Variants in AGPAT2 observed in about 807,000 individuals in gnomAD.
The protein encoded by AGPAT2 is 1-acyl-sn-glycerol-3-phosphate acyltransferase beta.
AGPAT2 carries 18 observed loss-of-function variants against 26.1 expected under a neutral mutation model. The observed-to-expected ratio is 0.69, with a 90% CI of 0.48 to 1.02. The LOEUF is 1.02. AGPAT2 is among the 50% of genes least tolerant of loss of function. The probability of loss-of-function intolerance (pLI) is 0.00; values close to 1 mark genes in which losing one functional copy is unlikely to be tolerated. For missense variants in AGPAT2, 415 were observed against 394.9 expected (o/e 1.05, Z -0.43); for synonymous variants, 200 against 174.2 (o/e 1.15, Z -1.16).
intron 1 of AGPAT2, among the ~76,000 whole-genome samples, chr9:136,683,952 C>T (rs954434863): frequency 1.3e-5 from 2 of 152,194 alleles, no homozygotes; most frequent in African/African-American, 4.8e-5. Flanking sequence ...TGCGTTCTCC[C>T]CACACTGGGC....
chr9:136,680,730 C>T lies in AGPAT2; in HGVS notation c.183-3174G>A, dbSNP rs551791781. The stretch of plus-strand genomic sequence containing the variant: ...TGTCACCTAGGCTGGAGTGCAGTGG[C>T]GAGATCTCAGCTCACTGCCATTTCC... On this transcript the variant is annotated intron_variant, in intron 1 of 5. Coordinates refer to ENST00000371696, the MANE Select transcript of AGPAT2 (RefSeq NM_006412.4). Among the ~76,000 whole-genome samples the T allele has an allele frequency of 5.3e-5, 8 of 151,712 alleles. No individual in the cohort carries two copies. In the South Asian group the frequency reaches 6.3e-4, roughly 12 times the overall value.
chr9:136,687,131 C>A, intron 1 of AGPAT2, 45 bp downstream of exon 1: 1 of 1,545,868 alleles, frequency 6.5e-7, no homozygotes, highest in Non-Finnish European at 8.7e-7. Context: ...GAAGCGGAAG[C>A]GGCGCGGCGG....
intron 2 of AGPAT2, 62 bp downstream of exon 2, chr9:136,677,361 C>T (rs1846105657): frequency 1.2e-6 from 2 of 1,611,488 alleles, no homozygotes; most frequent in Admixed American, 3.3e-5. Flanking sequence ...CCCAGCCCCA[C>T]ACAGCCCCAG....
intron 1 of AGPAT2, 81 bp from the exon 2 acceptor site, chr9:136,677,637 TGGA>T: frequency 6.6e-7 from 1 of 1,522,380 alleles, no homozygotes; most frequent in East Asian, 2.4e-5. Context: ...GGGTGGGGTG[TGGA>T]GGAGGCTGGG....
intron 4 of AGPAT2, 24 bp from the exon 5 acceptor site, chr9:136,674,831 T>C: frequency 6.5e-7 from 1 of 1,532,406 alleles, no homozygotes; most frequent in Non-Finnish European, 8.8e-7. Flanking sequence ...GACGCACAGC[T>C]GAGGCAGCCC....
intron 4 of AGPAT2, among the ~76,000 whole-genome samples, 160 bp from the exon 5 acceptor site, chr9:136,674,967 T>C (rs1846071592): frequency 6.6e-6 from 1 of 152,176 alleles, no homozygotes; most frequent in South Asian, 2.1e-4. Context: ...ACCTGGGATA[T>C]GTGTCCTGCT....
Position 136,673,605 on chromosome 9 carries a change from G to A in AGPAT2, c.*147C>T. On this transcript the variant is annotated 3_prime_UTR_variant, in exon 6 of 6. Coordinates refer to ENST00000371696, the MANE Select transcript of AGPAT2 (RefSeq NM_006412.4). ...GGGCCTGTGTCTGAGGCCAGTGACA[G>A]AAGGGGCTTCCTGCTTCCCGGGCTG... 2 of 925,608 alleles carry A rather than the reference G, an allele frequency of 2.2e-6. No homozygotes were observed. Among genetic ancestry groups the A allele is most frequent in the South Asian group, 4.1e-5 (2 of 48,764 alleles). The allele number at this position is 925,608 out of a possible 1,614,324, so 57.3% of individuals were successfully genotyped here. A position where few individuals can be genotyped will look rare whatever the true frequency, so the allele number is the denominator to read the frequency against.
At chr9:136,685,745 C>T (rs893749241) in intron 1 of AGPAT2, among the ~76,000 whole-genome samples, 3 of 152,096 alleles carry the variant, frequency 2.0e-5, no homozygotes, top group Non-Finnish European at 2.9e-5. Context: ...GCCGCACCCT[C>T]GCCCCTACTC....
chr9:136,682,158 T>C (rs1453593968), intron 1 of AGPAT2, among the ~76,000 whole-genome samples: 1 of 152,160 alleles, frequency 6.6e-6, no homozygotes, highest in Non-Finnish European at 1.5e-5. Flanking sequence ...GGCAGAGTCG[T>C]GCTGGGGCGG....
chr9:136,677,746 C>G (rs573148458), intron 1 of AGPAT2, among the ~76,000 whole-genome samples, 190 bp from the exon 2 acceptor site: 3 of 152,196 alleles, frequency 2.0e-5, no homozygotes, highest in Non-Finnish European at 4.4e-5. Context: ...CCCACCTGGA[C>G]GGCTGCCCTG....
At position 136,673,689 on chromosome 9, in the gene AGPAT2, G is replaced by A; in HGVS notation, c.*63C>T. ...TTGGAAGCCGGGAGGAGTCCCCTCTGCCCATCCTCCAGCCATCGGCTTCCA... is the reference window on the plus strand; with the variant it reads ...TTGGAAGCCGGGAGGAGTCCCCTCTACCCATCCTCCAGCCATCGGCTTCCA... On this transcript the variant is annotated 3_prime_UTR_variant, in exon 6 of 6. Coordinates refer to ENST00000371696, the MANE Select transcript of AGPAT2 (RefSeq NM_006412.4). 1 of 1,473,924 alleles carries A rather than the reference G, an allele frequency of 6.8e-7. No homozygotes were observed. The highest frequency in any genetic ancestry group is 9.1e-7 in the Non-Finnish European group (1 of 1,098,918). The allele number at this position is 1,473,924 out of a possible 1,614,324, so 91.3% of individuals were successfully genotyped here.
At position 136,677,145 on chromosome 9, in the gene AGPAT2, CAG is replaced by C. The variant is rs753913831; in HGVS notation, c.317-11_317-10del. The C allele has an allele frequency of 8.1e-6, 13 of 1,612,450 alleles. No homozygotes were observed. The highest frequency in any genetic ancestry group is 1.6e-4 in the Middle Eastern group (1 of 6,080). On this transcript the variant is annotated splice_polypyrimidine_tract_variant and intron_variant, in intron 2 of 5. Coordinates refer to ENST00000371696, the MANE Select transcript of AGPAT2 (RefSeq NM_006412.4). ...AAGGACCTCCATGAGGCCTGGGAGA[CAG>C]AGAGACAGAGACAGAGAGAGAGGGG...
chr9:136,685,881 G>A (rs1489121115), intron 1 of AGPAT2, among the ~76,000 whole-genome samples: 1 of 152,212 alleles, frequency 6.6e-6, no homozygotes, highest in Non-Finnish European at 1.5e-5. Flanking sequence ...CAGCCCCCAG[G>A]AACTCCCTGT....
At chr9:136,684,852 C>T (rs1304163351) in intron 1 of AGPAT2, among the ~76,000 whole-genome samples, 3 of 152,180 alleles carry the variant, frequency 2.0e-5, no homozygotes, top group Non-Finnish European at 2.9e-5. Context: ...TGGAGGCACC[C>T]GTGGCGTACA....
rs1846236649 is a variant in AGPAT2, at chr9:136,687,332, G to A, written c.26C>T (p.Ala9Val). ...CAGCAGCAGCAGCAACAGCAGCGCC[G>A]CGGCCAGACACGGCCACAGCTCCAT... MELWPCLA[A>V]ALLLLLLLVQ... The change falls in exon 1 of 6, where the codon GCG becomes GTG. Residue 9 changes from alanine to valine, a missense_variant. Physicochemically the swap from Ala to Val is moderately conservative, Grantham distance 64 (BLOSUM62 0). Coordinates refer to ENST00000371696, the MANE Select transcript of AGPAT2 (RefSeq NM_006412.4). 6.4e-7 allele frequency: 1 copy of A among 1,559,498 alleles called. No homozygotes were observed. The highest frequency in any genetic ancestry group is 8.6e-7 in the Non-Finnish European group (1 of 1,160,314).
rs151070459 is a variant in AGPAT2, at chr9:136,680,908, G to A, written c.183-3352C>T. Among the ~76,000 whole-genome samples the A allele has an allele frequency of 0.037, 5,606 of 150,416 alleles. 685 individuals are homozygous for A. In the East Asian group the frequency reaches 0.48, roughly 13 times the overall value. On this transcript the variant is annotated intron_variant, in intron 1 of 5. Coordinates refer to ENST00000371696, the MANE Select transcript of AGPAT2 (RefSeq NM_006412.4). ...TCTCAAACTCCTGACCTCATGATCC[G>A]CCCGCCTCGGCCTCCCAAAGTGCTG...
chr9:136,677,332 T>G, intron 2 of AGPAT2, 91 bp downstream of exon 2: 2 of 1,595,250 alleles, frequency 1.3e-6, no homozygotes, highest in Non-Finnish European at 1.7e-6. Context: ...CAGGCAGCCC[T>G]GTGTCCTCGT....
chr9:136,680,185 A>G (rs907926786), intron 1 of AGPAT2, among the ~76,000 whole-genome samples: 11 of 152,172 alleles, frequency 7.2e-5, no homozygotes, highest in Non-Finnish European at 1.5e-4. Flanking sequence ...TGAAAGGGAC[A>G]TTGGTTCCCT....
intron 1 of AGPAT2, among the ~76,000 whole-genome samples, chr9:136,686,121 G>A (rs1333405305): frequency 1.3e-5 from 2 of 152,198 alleles, no homozygotes; most frequent in Non-Finnish European, 2.9e-5. Flanking sequence ...AGCTTCTGGG[G>A]CTCCGTTGGA....
Sources: allele counts gnomAD v4.1 joint callset (sites outside exome capture counted in the v4.1 genomes callset), GRCh38; gene constraint gnomAD v4.1.1; transcripts MANE v1.5; gene names NCBI Gene and HGNC (gene_info 2026-07-23, HGNC 2026-07-21).